RIN3: variants seen among roughly 807,000 people sequenced by gnomAD.
RIN3 encodes Ras and Rab interactor 3.
A neutral mutation model predicts 76.3 loss-of-function variants in RIN3; 54 were observed. That is an observed-to-expected ratio of 0.71 (90% CI 0.57 to 0.89). The LOEUF is 0.89. RIN3 is among the 40% of genes least tolerant of loss of function. The probability of loss-of-function intolerance (pLI) is 0.00; values close to 1 mark genes in which losing one functional copy is unlikely to be tolerated. For missense variants in RIN3, 1,256 were observed against 1,322.1 expected, an observed-to-expected ratio of 0.95 and a Z score of 0.78; for synonymous variants, 576 against 564.0, an observed-to-expected ratio of 1.02 and a Z score of -0.30.
intron 4 of RIN3, among the ~76,000 whole-genome samples, chr14:92,626,882 A>AG (rs1305386365): frequency 1.3e-5 from 2 of 152,132 alleles, no homozygotes; most frequent in African/African-American, 2.4e-5. Flanking sequence ...TCTCCAGAAG[A>AG]GGGCATAGTC....
At chr14:92,554,618 G>A (rs1373789576) in intron 1 of RIN3, among the ~76,000 whole-genome samples, 1 of 152,160 alleles carries the variant, frequency 6.6e-6, no homozygotes, top group Admixed American at 6.5e-5. Context: ...TATTTAACCT[G>A]ACACATTTAA....
At chr14:92,522,257 T>C (rs759103821) in intron 1 of RIN3, among the ~76,000 whole-genome samples, 1 of 151,660 alleles carries the variant, frequency 6.6e-6, no homozygotes, top group Non-Finnish European at 1.5e-5. Context: ...TTACCTGAGA[T>C]GATGATGTTC....
intron 4 of RIN3, among the ~76,000 whole-genome samples, chr14:92,619,021 C>T (rs1294090431): frequency 6.7e-6 from 1 of 148,704 alleles, no homozygotes; most frequent in Non-Finnish European, 1.5e-5. Context: ...TTTATAATCA[C>T]TTAGCATAAT....
intron 3 of RIN3, among the ~76,000 whole-genome samples, chr14:92,598,620 A>G (rs1885234882): frequency 1.3e-5 from 2 of 152,232 alleles, no homozygotes. Context: ...TGGTGGGAAC[A>G]GGATTTAAAC....
At chr14:92,640,140 CTG>C (rs1566880814) in intron 4 of RIN3, among the ~76,000 whole-genome samples, 1 of 122,388 alleles carries the variant, frequency 8.2e-6, no homozygotes, top group Non-Finnish European at 1.7e-5. Flanking sequence ...AGATGCCTGA[CTG>C]TGTGTTCATC....
At chr14:92,531,932 CT>C (rs535083345) in intron 1 of RIN3, among the ~76,000 whole-genome samples, 215 of 142,588 alleles carry the variant, frequency 1.5e-3, no homozygotes, top group African/African-American at 1.7e-3. Flanking sequence ...CATCTCTTAT[CT>C]TTTTTTTTTT....
intron 3 of RIN3, among the ~76,000 whole-genome samples, chr14:92,592,642 GTATTATTAT>G (rs143659950): frequency 0.1 from 13,534 of 134,482 alleles, 1,200 homozygotes; most frequent in African/African-American, 0.23. Flanking sequence ...TTTAAATTTT[GTATTATTAT>G]TATTATTATT....
Position 92,555,877 on chromosome 14 carries a change from C to G in RIN3, c.171C>G (p.Ile57Met), listed in dbSNP as rs1193241961. ...GCATCAGCATCCTGGAGAAGCTCAT[C>G]AAAACATGCCCGGTGTGGCTGCAGC... is the stretch of plus-strand genomic sequence containing the variant. ...RRGISILEKL[I>M]KTCPVWLQLS... The change falls in exon 2 of 10, where the codon ATC becomes ATG. Residue 57 changes from isoleucine to methionine, a missense_variant. Coordinates refer to ENST00000216487, the MANE Select transcript of RIN3 (RefSeq NM_024832.5). 1 of 1,614,006 alleles carries G rather than the reference C, an allele frequency of 6.2e-7. No homozygotes were observed. Among genetic ancestry groups the G allele is most frequent in the African/African-American group, 1.3e-5 (1 of 74,910 alleles).
chr14:92,659,057 C>T, intron 6 of RIN3, 104 bp from the exon 7 acceptor site: 12 of 1,085,056 alleles, frequency 1.1e-5, no homozygotes, highest in Non-Finnish European at 1.7e-5. Context: ...GAGTGTCCTT[C>T]CAGGGGCCAG....
chr14:92,559,812 T>C (rs1897710740), intron 2 of RIN3, among the ~76,000 whole-genome samples: 2 of 152,180 alleles, frequency 1.3e-5, no homozygotes, highest in African/African-American at 4.8e-5. Context: ...ATGTGAGCCT[T>C]GCTGGGGCCC....
chr14:92,517,522 A>C (rs929229641), intron 1 of RIN3, among the ~76,000 whole-genome samples: 4 of 152,144 alleles, frequency 2.6e-5, no homozygotes, highest in African/African-American at 9.7e-5. Flanking sequence ...GCCCCCAGCT[A>C]TCTGATCCTA....
chr14:92,580,666 A>G (rs796662506), intron 3 of RIN3, among the ~76,000 whole-genome samples: 19 of 152,360 alleles, frequency 1.2e-4, no homozygotes, highest in African/African-American at 3.6e-4. Flanking sequence ...AGGGACCCCA[A>G]TGGAAGAAGA....
chr14:92,617,895 G>C (rs929806766), intron 4 of RIN3, among the ~76,000 whole-genome samples: 1 of 152,196 alleles, frequency 6.6e-6, no homozygotes, highest in Non-Finnish European at 1.5e-5. Flanking sequence ...ATTTGCTGTA[G>C]AGCCTGTCAT....
At position 92,584,115 on chromosome 14, in the gene RIN3, A is replaced by G. The variant is rs1032382663; in HGVS notation, c.367+6638A>G. On this transcript the variant is annotated intron_variant, in intron 3 of 9. Coordinates refer to ENST00000216487, the MANE Select transcript of RIN3 (RefSeq NM_024832.5). ...TTATAGGCAGATACTATGCCATTTC[A>G]TATCAAGGACTTGAGCATCCTCAGA... Among the ~76,000 whole-genome samples the G allele has an allele frequency of 2.7e-5, 4 of 150,382 alleles. No homozygotes were observed. In the East Asian group the frequency reaches 5.8e-4, roughly 22 times the overall value.
intron 4 of RIN3, among the ~76,000 whole-genome samples, chr14:92,638,168 A>AGGAAGAAGAGTCCATGGTGTGGCCTTC: frequency 6.6e-6 from 1 of 152,184 alleles, no homozygotes. Flanking sequence ...CAGGTCATGG[A>AGGAAGAAGAGTCCATGGTGTGGCCTTC]GGAAGAAGAG....
At chr14:92,645,613 A>T (rs1419039920) in intron 5 of RIN3, among the ~76,000 whole-genome samples, 1 of 152,188 alleles carries the variant, frequency 6.6e-6, no homozygotes, top group Non-Finnish European at 1.5e-5. Flanking sequence ...AGAAAGGGGG[A>T]TGGAGAGTGA....
At chr14:92,579,440 G>A (rs960908541) in intron 3 of RIN3, among the ~76,000 whole-genome samples, 5 of 152,242 alleles carry the variant, frequency 3.3e-5, no homozygotes, top group African/African-American at 1.2e-4. Context: ...GGAATTGGTT[G>A]AGTCAGATCT....
chr14:92,675,942 G>C (rs1888445257), intron 7 of RIN3, among the ~76,000 whole-genome samples: 1 of 152,142 alleles, frequency 6.6e-6, no homozygotes, highest in Non-Finnish European at 1.5e-5. Flanking sequence ...ACTTCGAGGG[G>C]TCTTTACGTT....
intron 1 of RIN3, among the ~76,000 whole-genome samples, chr14:92,544,790 T>C (rs1897218721): frequency 6.6e-6 from 1 of 152,156 alleles, no homozygotes; most frequent in South Asian, 2.1e-4. Flanking sequence ...TAATTCAGCT[T>C]TGTTAATTCC....
Sources: gnomAD v4.1 joint callset for allele counts (sites outside exome capture counted in the v4.1 genomes callset) on GRCh38, gnomAD v4.1.1 for gene constraint, MANE v1.5 for transcripts, NCBI Gene and HGNC (gene_info 2026-07-23, HGNC 2026-07-21) for gene names.